RPS6KA2: variants seen among roughly 807,000 people sequenced by gnomAD.
RPS6KA2 encodes ribosomal protein S6 kinase alpha-2.
A neutral mutation model predicts 91.8 loss-of-function variants in RPS6KA2; 42 were observed. That is an observed-to-expected ratio of 0.46 (90% CI 0.36 to 0.59). The LOEUF is 0.59. Among genes scored for constraint, RPS6KA2 ranks in the 20% least tolerant of loss-of-function variants. RPS6KA2 has a pLI of 0.00. For missense variants in RPS6KA2, 798 were observed against 978.5 expected, an observed-to-expected ratio of 0.82 and a Z score of 2.46; for synonymous variants, 414 against 393.6, an observed-to-expected ratio of 1.05 and a Z score of -0.61.
chr6:166,697,310 C>T (rs889174084), intron 2 of RPS6KA2, among the ~76,000 whole-genome samples: 12 of 152,184 alleles, frequency 7.9e-5, no homozygotes, highest in African/African-American at 2.7e-4. Context: ...CGGAAGTTGA[C>T]CACAAATCAA....
chr6:166,772,542 G>A (rs763413059), intron 2 of RPS6KA2, among the ~76,000 whole-genome samples: 1 of 152,200 alleles, frequency 6.6e-6, no homozygotes, highest in Non-Finnish European at 1.5e-5. Context: ...TCTATAACTT[G>A]AAAAAGATGG....
Position 166,666,485 on chromosome 6 carries a change from G to A in RPS6KA2, c.124-127701C>T, listed in dbSNP as rs779534252. ...AAGAAGATATACAAATGACCAAGAA[G>A]CATATGGAAAGATGCTCAACGCCAG... On this transcript the variant is annotated intron_variant, in intron 2 of 21. Transcript: ENST00000503859. This position sits in a 1 kb window ranked among gnomAD's most constrained non-coding sequence, Gnocchi z 4.0. Among the ~76,000 whole-genome samples the A allele has an allele frequency of 6.6e-6, 1 of 152,134 alleles. No homozygotes were observed. The highest frequency in any genetic ancestry group is 1.5e-5 in the Non-Finnish European group (1 of 68,022).
intron 1 of RPS6KA2, among the ~76,000 whole-genome samples, chr6:166,622,260 G>C (rs1786668759): frequency 6.6e-6 from 1 of 152,152 alleles, no homozygotes. Flanking sequence ...TGAACGTAAA[G>C]AGAGAAAGTA....
chr6:166,425,711 T>C (rs1778888959), intron 16 of RPS6KA2, among the ~76,000 whole-genome samples: 1 of 151,810 alleles, frequency 6.6e-6, no homozygotes, highest in African/African-American at 2.4e-5. Context: ...AAGAAGGCCA[T>C]TACATAATGG....
chr6:166,504,620 G>T lies in RPS6KA2; in HGVS notation c.460-8C>A. On this transcript the variant is annotated splice_region_variant and splice_polypyrimidine_tract_variant and intron_variant, in intron 5 of 20. Coordinates refer to ENST00000265678, the MANE Select transcript of RPS6KA2 (RefSeq NM_021135.6). ...CTCCTCCGTGAACATGACCTAGTAAGAAAAAAACAAAAACAAAAACAAAAA... is the reference window on the plus strand; with the variant it reads ...CTCCTCCGTGAACATGACCTAGTAATAAAAAAACAAAAACAAAAACAAAAA... 6.3e-7 allele frequency: 1 copy of T among 1,586,082 alleles called. No individual in the cohort carries two copies. The highest frequency in any genetic ancestry group is 8.6e-7 in the Non-Finnish European group (1 of 1,165,810).
intron 2 of RPS6KA2, among the ~76,000 whole-genome samples, chr6:166,853,003 C>T (rs1583180423): frequency 1.3e-5 from 2 of 152,190 alleles, no homozygotes; most frequent in South Asian, 2.1e-4. Context: ...AGGGAAAGTA[C>T]CCCCGTAGCC....
chr6:166,688,285 G>C (rs982157957), intron 2 of RPS6KA2, among the ~76,000 whole-genome samples: 88 of 152,230 alleles, frequency 5.8e-4, no homozygotes, highest in African/African-American at 2.0e-3. Flanking sequence ...CTTTGAGGGG[G>C]AACTTGAAAA....
rs190719143 is a variant in RPS6KA2 at position 166,821,248 on chromosome 6, G to C, written c.123+36952C>G. Among the ~76,000 whole-genome samples, 1 of 152,186 alleles carries C rather than the reference G, an allele frequency of 6.6e-6. No individual in the cohort carries two copies. The highest frequency in any genetic ancestry group is 2.4e-5 in the African/African-American group (1 of 41,518). ...ATTTTTAAAATATAGAGGTGATCGG[G>C]TAACACCGAGACAAGGATTTCTCTT... On this transcript the variant is annotated intron_variant, in intron 2 of 21. Transcript: ENST00000503859. The surrounding 1 kb of genome is among the most constrained non-coding windows in gnomAD (Gnocchi z 4.1).
intron 2 of RPS6KA2, among the ~76,000 whole-genome samples, chr6:166,850,569 A>T (rs1780714245): frequency 6.6e-6 from 1 of 152,188 alleles, no homozygotes; most frequent in South Asian, 2.1e-4. Context: ...TGAAGAGAGG[A>T]GAGAGATTTT....
chr6:166,759,751 G>A (rs1016950413), intron 2 of RPS6KA2, among the ~76,000 whole-genome samples: 1 of 152,222 alleles, frequency 6.6e-6, no homozygotes, highest in African/African-American at 2.4e-5. Context: ...GAAACACACT[G>A]CTGGCGTCTT....
At chr6:166,616,257 G>A (rs988381356) in intron 1 of RPS6KA2, among the ~76,000 whole-genome samples, 1 of 152,174 alleles carries the variant, frequency 6.6e-6, no homozygotes, top group African/African-American at 2.4e-5. Context: ...TCCCATTGGT[G>A]ACCTTGCCAA....
At chr6:166,608,555 G>C (rs1162169913) in intron 1 of RPS6KA2, among the ~76,000 whole-genome samples, 1 of 152,156 alleles carries the variant, frequency 6.6e-6, no homozygotes, top group Non-Finnish European at 1.5e-5. Flanking sequence ...AGTAAGTTTG[G>C]AGTCTCAGGG....
chr6:166,595,841 A>G (rs537410840), intron 1 of RPS6KA2, among the ~76,000 whole-genome samples: 1 of 152,374 alleles, frequency 6.6e-6, no homozygotes, highest in South Asian at 2.1e-4. Flanking sequence ...TGTATTACCA[A>G]TAAAGGAATG....
intron 2 of RPS6KA2, among the ~76,000 whole-genome samples, chr6:166,677,806 A>C (rs1788662459): frequency 6.6e-6 from 1 of 152,234 alleles, no homozygotes; most frequent in Non-Finnish European, 1.5e-5. Flanking sequence ...GGACACATAA[A>C]TAAAACAAGA....
intron 2 of RPS6KA2, among the ~76,000 whole-genome samples, chr6:166,670,116 G>C (rs1260724708): frequency 6.6e-6 from 1 of 152,276 alleles, no homozygotes; most frequent in African/African-American, 2.4e-5. Flanking sequence ...AGGATGTGGA[G>C]AATGTACACT....
intron 1 of RPS6KA2, among the ~76,000 whole-genome samples, chr6:166,547,512 G>A (rs1439123764): frequency 1.3e-5 from 2 of 152,194 alleles, no homozygotes; most frequent in Non-Finnish European, 2.9e-5. Flanking sequence ...GATGAGAGCT[G>A]GCAGAGCAAA....
At chr6:166,641,043 T>C (rs1437617948) in intron 2 of RPS6KA2, among the ~76,000 whole-genome samples, 1 of 152,156 alleles carries the variant, frequency 6.6e-6, no homozygotes, top group Non-Finnish European at 1.5e-5. Context: ...ACTTATAGTT[T>C]TTAGAGGTTC....
At chr6:166,827,434 G>A (rs1026099060) in intron 2 of RPS6KA2, among the ~76,000 whole-genome samples, 7 of 152,142 alleles carry the variant, frequency 4.6e-5, no homozygotes, top group Admixed American at 3.3e-4. Flanking sequence ...AAACAATTAT[G>A]TAATCCTCCT....
intron 2 of RPS6KA2, among the ~76,000 whole-genome samples, chr6:166,688,756 C>T (rs1003339895): frequency 2.2e-4 from 34 of 152,224 alleles, no homozygotes; most frequent in Non-Finnish European, 5.9e-5. Flanking sequence ...ACAGAAACCC[C>T]GCATGGGGGC....
Sources: allele counts gnomAD v4.1 joint callset (sites outside exome capture counted in the v4.1 genomes callset), GRCh38; gene constraint gnomAD v4.1.1; non-coding constraint Gnocchi (gnomAD v3.1); transcripts MANE v1.5; gene names NCBI Gene and HGNC (gene_info 2026-07-23, HGNC 2026-07-21).